Variants in SLC41A2 observed in about 807,000 individuals in gnomAD.
SLC41A2 encodes the protein solute carrier family 41 member 2, also known as SLC41A1-like 1.
SLC41A2 carries 32 observed loss-of-function variants against 58.3 expected under a neutral mutation model. The observed-to-expected ratio is 0.55, with a 90% CI of 0.41 to 0.74. SLC41A2 has a LOEUF of 0.74. Among genes scored for constraint, SLC41A2 ranks in the 30% least tolerant of loss-of-function variants. The pLI is 0.00. For synonymous variants in SLC41A2, 190 were observed against 235.0 expected (o/e 0.81, Z 1.75); for missense variants, 514 against 680.6 (o/e 0.76, Z 2.72).
chr12:104,904,081 G>C (rs772002635), intron 3 of SLC41A2, among the ~76,000 whole-genome samples: 3 of 152,196 alleles, frequency 2.0e-5, no homozygotes, highest in Non-Finnish European at 2.9e-5. Flanking sequence ...ATCATTTGCA[G>C]CATTTTGTTT....
chr12:104,936,475 G>A (rs2047278410), intron 1 of SLC41A2, among the ~76,000 whole-genome samples: 1 of 152,152 alleles, frequency 6.6e-6, no homozygotes, highest in African/African-American at 2.4e-5. Context: ...AAAGAAAGAG[G>A]TTTAGTTGGA....
At position 104,845,627 on chromosome 12, in the gene SLC41A2, T is replaced by C. The variant is rs182038167; in HGVS notation, c.1387+216A>G. Among the ~76,000 whole-genome samples, 4 of 152,266 alleles carry C rather than the reference T, an allele frequency of 2.6e-5. No individual in the cohort carries two copies. In the East Asian group the frequency reaches 7.7e-4, roughly 29 times the overall value. ...TCTCTTTCACAACTAATAAGCAAGA[T>C]ACCCCAGAAAGAGGCATCAAAGAGA... On this transcript the variant is annotated intron_variant, in intron 9 of 10. Coordinates refer to ENST00000258538, the MANE Select transcript of SLC41A2 (RefSeq NM_001352171.3).
intron 3 of SLC41A2, among the ~76,000 whole-genome samples, chr12:104,907,752 T>C (rs1295789132): frequency 6.6e-6 from 1 of 152,204 alleles, no homozygotes; most frequent in Non-Finnish European, 1.5e-5. Flanking sequence ...TAAGCCTCAA[T>C]TCCTACTCTG....
intron 10 of SLC41A2, among the ~76,000 whole-genome samples, chr12:104,815,267 G>A (rs1450982098): frequency 6.6e-6 from 1 of 152,170 alleles, no homozygotes; most frequent in African/African-American, 2.4e-5. Context: ...TTTAAGGAAT[G>A]CAGGCTTTTC....
chr12:104,894,361 A>AT (rs1193798457), intron 4 of SLC41A2, among the ~76,000 whole-genome samples: 6 of 152,106 alleles, frequency 3.9e-5, no homozygotes, highest in African/African-American at 1.2e-4. Context: ...TCAAAAAAAA[A>AT]AAATAAATAA....
chr12:104,832,345 TGCAGAGTTA>T (rs2042067150), intron 10 of SLC41A2, among the ~76,000 whole-genome samples: 1 of 152,240 alleles, frequency 6.6e-6, no homozygotes, highest in African/African-American at 2.4e-5. Context: ...TTAATTGTTA[TGCAGAGTTA>T]TTAAGCCAAT....
chr12:104,872,699 C>A (rs2043846870), intron 6 of SLC41A2, among the ~76,000 whole-genome samples: 1 of 152,086 alleles, frequency 6.6e-6, no homozygotes, highest in African/African-American at 2.4e-5. Flanking sequence ...CACTGCACTC[C>A]AGCCTGGGCG....
At chr12:104,847,499 G>A (rs140002826) in intron 8 of SLC41A2, among the ~76,000 whole-genome samples, 1,916 of 151,656 alleles carry the variant, frequency 0.013, 52 homozygotes, top group African/African-American at 0.044. Context: ...CAGCTACCCC[G>A]GAGGCTGAGG....
chr12:104,843,164 T>C (rs2042475753), intron 10 of SLC41A2, among the ~76,000 whole-genome samples: 1 of 152,032 alleles, frequency 6.6e-6, no homozygotes, highest in Non-Finnish European at 1.5e-5. Context: ...ACTTCATATA[T>C]AGCTAAACTC....
chr12:104,857,711 T>C lies in SLC41A2; in HGVS notation c.1255+3580A>G, dbSNP rs375287036. On this transcript the variant is annotated intron_variant, in intron 8 of 10. Coordinates refer to ENST00000258538, the MANE Select transcript of SLC41A2 (RefSeq NM_001352171.3). ...TGAGTTCATGTCCTTTGTAGGGACA[T>C]GGATGAAGCTGGAAACCATCATTCT... Among the ~76,000 whole-genome samples the C allele has an allele frequency of 6.3e-3, 962 of 151,952 alleles. 13 individuals are homozygous for C. The highest frequency in any genetic ancestry group is 0.022 in the African/African-American group (895 of 41,400).
intron 1 of SLC41A2, among the ~76,000 whole-genome samples, chr12:104,931,243 G>T (rs951587670): frequency 1.1e-4 from 17 of 152,192 alleles, no homozygotes; most frequent in African/African-American, 3.6e-4. Context: ...GATATTTTTT[G>T]TTGTTGTTTG....
intron 2 of SLC41A2, among the ~76,000 whole-genome samples, chr12:104,914,323 A>G (rs1035169664): frequency 6.6e-6 from 1 of 152,208 alleles, no homozygotes; most frequent in Non-Finnish European, 1.5e-5. Flanking sequence ...ATTTTTTACA[A>G]CCATAATTAT....
chr12:104,812,014 A>G (rs2136205506), intron 10 of SLC41A2, among the ~76,000 whole-genome samples: 1 of 152,370 alleles, frequency 6.6e-6, no homozygotes. Flanking sequence ...ACTCAAGGAC[A>G]CTAGAAACTA....
intron 1 of SLC41A2, among the ~76,000 whole-genome samples, chr12:104,949,285 A>G (rs1470567546): frequency 6.6e-6 from 1 of 152,228 alleles, no homozygotes; most frequent in East Asian, 1.9e-4. Context: ...AAGTAATCAT[A>G]TCATAAATTG....
intron 10 of SLC41A2, among the ~76,000 whole-genome samples, chr12:104,835,304 T>C (rs908039194): frequency 2.6e-5 from 4 of 152,146 alleles, no homozygotes; most frequent in African/African-American, 9.7e-5. Flanking sequence ...CTCAAGTTTG[T>C]TGGGAGTGGA....
intron 1 of SLC41A2, among the ~76,000 whole-genome samples, chr12:104,941,458 G>A (rs115416035): frequency 0.012 from 1,898 of 152,122 alleles, 53 homozygotes; most frequent in African/African-American, 0.044. Flanking sequence ...CCAGAGCCAC[G>A]GATTTTGTTC....
chr12:104,934,939 G>A (rs184304904), intron 1 of SLC41A2, among the ~76,000 whole-genome samples: 146 of 152,058 alleles, frequency 9.6e-4, no homozygotes, highest in African/African-American at 3.2e-3. Flanking sequence ...GACTGGGAAA[G>A]AAAGTTTTTG....
intron 6 of SLC41A2, among the ~76,000 whole-genome samples, chr12:104,874,925 C>CT (rs1370371106): frequency 6.6e-6 from 1 of 152,120 alleles, no homozygotes; most frequent in African/African-American, 2.4e-5. Flanking sequence ...CTGTATATTG[C>CT]TTTGGGTAGT....
At chr12:104,815,832 A>C (rs2041375871) in intron 10 of SLC41A2, among the ~76,000 whole-genome samples, 1 of 152,190 alleles carries the variant, frequency 6.6e-6, no homozygotes, top group Non-Finnish European at 1.5e-5. Flanking sequence ...ATTATCAATC[A>C]ACAGGAATTC....
Sources: gnomAD v4.1 joint callset for allele counts (sites outside exome capture counted in the v4.1 genomes callset) on GRCh38, gnomAD v4.1.1 for gene constraint, MANE v1.5 for transcripts, NCBI Gene and HGNC (gene_info 2026-07-23, HGNC 2026-07-21) for gene names.